Variants in PFKL observed in about 807,000 individuals in gnomAD.
The protein encoded by PFKL is phosphofructokinase, liver type.
In PFKL, 74 loss-of-function variants were observed where a neutral mutation model predicts 92.1. That is an observed-to-expected ratio of 0.80 (90% CI 0.67 to 0.97). The LOEUF (loss-of-function observed/expected upper bound fraction) is 0.97, where lower values mean the gene tolerates loss of function less well. PFKL is among the 50% of genes least tolerant of loss of function. The pLI is 0.00. For missense variants in PFKL, 1,028 were observed against 1,116.6 expected, an observed-to-expected ratio of 0.92 and a Z score of 1.13; for synonymous variants, 494 against 456.4, an observed-to-expected ratio of 1.08 and a Z score of -1.05.
chr21:44,322,159 G>T lies in PFKL; in HGVS notation c.1365G>T (p.Val455=). 1 of 1,606,130 alleles carries T rather than the reference G, an allele frequency of 6.2e-7. No homozygotes were observed. The highest frequency in any genetic ancestry group is 8.5e-7 in the Non-Finnish European group (1 of 1,178,698). ...TGCAAGAAGTAGGCTGGCACGACGT[G>T]GCCGGCTGGTTGGGGCGTGGTGGCT... The part of the protein sequence containing the change: ...GQVQEVGWHD[V]AGWLGRGGSM... Residue 455 remains valine, a synonymous_variant, in exon 14 of 22, where the codon GTG becomes GTT. Transcript: ENST00000349048.
chr21:44,325,921 C>T (rs1250223505), intron 19 of PFKL, 40 bp from the exon 20 acceptor site: 6 of 1,528,764 alleles, frequency 3.9e-6, no homozygotes, highest in Non-Finnish European at 5.4e-6. Context: ...GCCCAGGCAG[C>T]CCAGGGGAGT....
At position 44,314,039 on chromosome 21, in the gene PFKL, T is replaced by A. The variant is rs2047130781; in HGVS notation, c.747+18T>A. Reference sequence around the variant, plus strand: ...TGGGTGAGGTGGGTGCCGTCCAGCCTGCTGGGGGCCGCAGGTGTCCTGGTG... The same window carrying A: ...TGGGTGAGGTGGGTGCCGTCCAGCCAGCTGGGGGCCGCAGGTGTCCTGGTG... On this transcript the variant is annotated intron_variant, in intron 7 of 21. Transcript: ENST00000349048. 1 of 1,556,896 alleles carries A rather than the reference T, an allele frequency of 6.4e-7. No individual in the cohort carries two copies. The highest frequency in any genetic ancestry group is 1.8e-5 in the Admixed American group (1 of 55,120).
intron 2 of PFKL, among the ~76,000 whole-genome samples, chr21:44,308,967 C>G (rs1010128707): frequency 6.6e-6 from 1 of 152,172 alleles, no homozygotes; most frequent in Non-Finnish European, 1.5e-5. Context: ...CCTACGATGA[C>G]CTCAGTGCAT....
At chr21:44,324,690 G>A in intron 17 of PFKL, 35 bp downstream of exon 17, 1 of 1,563,978 alleles carries the variant, frequency 6.4e-7, no homozygotes, top group Non-Finnish European at 8.7e-7. Context: ...CGGCAGACCT[G>A]CCGGCATGCC....
chr21:44,322,162 C>A lies in PFKL; in HGVS notation c.1368C>A (p.Ala456=). 1 of 1,605,952 alleles carries A rather than the reference C, an allele frequency of 6.2e-7. No individual in the cohort carries two copies. Among genetic ancestry groups the A allele is most frequent in the Non-Finnish European group, 8.5e-7 (1 of 1,178,812 alleles). ...AAGAAGTAGGCTGGCACGACGTGGCCGGCTGGTTGGGGCGTGGTGGCTCCA... is the reference window on the plus strand; with the variant it reads ...AAGAAGTAGGCTGGCACGACGTGGCAGGCTGGTTGGGGCGTGGTGGCTCCA... ...QVQEVGWHDV[A]GWLGRGGSML... The change falls in exon 14 of 22, where the codon GCC becomes GCA. Residue 456 remains alanine (A), a synonymous_variant. Transcript: ENST00000349048.
chr21:44,325,974 C>T lies in PFKL; in HGVS notation c.2003C>T (p.Thr668Ile). The T allele has an allele frequency of 6.2e-7, 1 of 1,613,478 alleles. No individual in the cohort carries two copies. Among genetic ancestry groups the T allele is most frequent in the Non-Finnish European group, 8.5e-7 (1 of 1,179,776 alleles). The stretch of plus-strand genomic sequence containing the variant: ...ACCTGTTTCCAGGGTGGCGCTCCAA[C>T]CCCCTTTGACCGGAACTATGGGACC... ...LGHLQQGGAP[T>I]PFDRNYGTKL... The change falls in exon 20 of 22, where the codon ACC becomes ATC. Residue 668 changes from threonine (T) to isoleucine (I), a missense_variant. Physicochemically the swap from Thr to Ile is moderately conservative, Grantham distance 89. Coordinates refer to ENST00000349048, the MANE Select transcript of PFKL (RefSeq NM_002626.6).
intron 21 of PFKL, 122 bp downstream of exon 21, chr21:44,326,386 C>G: frequency 1.3e-6 from 1 of 754,154 alleles, no homozygotes; most frequent in East Asian, 2.7e-5. Flanking sequence ...CTCCTGGGCC[C>G]CCATGCCCAG....
chr21:44,325,863 C>T (rs2047491800), intron 19 of PFKL, 98 bp from the exon 20 acceptor site: 2 of 809,004 alleles, frequency 2.5e-6, no homozygotes, highest in Admixed American at 4.7e-5. Context: ...TCACAAGCTG[C>T]CTGGGAGGCT....
intron 17 of PFKL, 32 bp from the exon 18 acceptor site, chr21:44,324,824 C>G: frequency 6.3e-7 from 1 of 1,599,766 alleles, no homozygotes; most frequent in Non-Finnish European, 8.5e-7. Flanking sequence ...CCCCACAGTC[C>G]TCCGGCTCAT....
chr21:44,304,716 G>T (rs1220917064), intron 1 of PFKL, among the ~76,000 whole-genome samples: 1 of 117,552 alleles, frequency 8.5e-6, no homozygotes, highest in African/African-American at 3.2e-5. Context: ...TCTGTCTCGG[G>T]GGGCTTGGCT....
chr21:44,315,109 C>G (rs889416703), intron 7 of PFKL: 1 of 152,368 alleles, frequency 6.6e-6, no homozygotes, highest in African/African-American at 2.4e-5. Flanking sequence ...TGGAGCCCAA[C>G]AGGCGAGGCT....
intron 7 of PFKL, chr21:44,315,923 A>G (rs775388794): frequency 3.6e-5 from 14 of 392,196 alleles, no homozygotes; most frequent in Non-Finnish European, 6.2e-5. Context: ...GGAAGGCTTC[A>G]CCAGACACAA....
rs2047477092 is a variant in PFKL, at chr21:44,325,383, G to T, written c.1989+119G>T. 2.0e-5 allele frequency: 14 copies of T among 688,316 alleles called. No homozygotes were observed. The South Asian group carries it at 2.1e-4, about 10-fold the overall frequency. 42.6% of individuals were successfully genotyped at this position (688,316 alleles called of 1,614,324 possible). ...ACGGGCACTCCCGGCAGGCCCTCGG[G>T]CACGTGTGCCCTTCCCCAGTGAGGG... On this transcript the variant is annotated intron_variant, in intron 19 of 21. Coordinates refer to ENST00000349048, the MANE Select transcript of PFKL (RefSeq NM_002626.6).
At chr21:44,323,992 G>A in intron 16 of PFKL, 74 bp downstream of exon 16, 1 of 1,558,442 alleles carries the variant, frequency 6.4e-7, no homozygotes, top group Non-Finnish European at 8.8e-7. Context: ...GGAGGCTGCT[G>A]GAGGGGATAG....
intron 14 of PFKL, 97 bp downstream of exon 14, chr21:44,322,300 C>T: frequency 8.5e-7 from 1 of 1,176,882 alleles, no homozygotes; most frequent in Non-Finnish European, 1.2e-6. Flanking sequence ...AGCCCGGGGC[C>T]CTGGGCTCGG....
intron 18 of PFKL, 84 bp downstream of exon 18, chr21:44,325,001 G>C (rs1602057373): frequency 7.5e-7 from 1 of 1,340,826 alleles, no homozygotes; most frequent in Non-Finnish European, 1.0e-6. Flanking sequence ...GGCTGGGCAG[G>C]AGAAGGCAGG....
Position 44,302,318 on chromosome 21 carries a change from G to A in PFKL, c.85+2128G>A, listed in dbSNP as rs2040800096. On this transcript the variant is annotated intron_variant, in intron 1 of 21. Transcript: ENST00000349048. Reference sequence around the variant, plus strand: ...GGAACAGGTGGTTTTCTGCAAGGGAGGAGGACTCCACACACTTCCCCAGTT... The same window carrying A: ...GGAACAGGTGGTTTTCTGCAAGGGAAGAGGACTCCACACACTTCCCCAGTT... Among the ~76,000 whole-genome samples the A allele has an allele frequency of 2.6e-5, 4 of 152,254 alleles. No individual in the cohort carries two copies. In the South Asian group the frequency reaches 8.3e-4, roughly 32 times the overall value.
intron 1 of PFKL, chr21:44,305,354 G>T: frequency 7.3e-7 from 1 of 1,366,014 alleles, no homozygotes; most frequent in African/African-American, 1.5e-5. Context: ...GAGGTCGAGA[G>T]TCCTCTCGTG....
rs904010060 is a variant in PFKL at position 44,323,828 on chromosome 21, CAT to C, written c.1561_1562del (p.Met521ValfsTer32). 3.1e-6 allele frequency: 5 copies of C among 1,613,314 alleles called. No individual in the cohort carries two copies. Among genetic ancestry groups the C allele is most frequent in the South Asian group, 2.2e-5 (2 of 91,082 alleles). ...GGCGCTACGAGGAGCTCTGCATCGT[CAT>C]GTGTGTCATCCCAGCCACCATCAGC... ...RGRYEELCIV[M>X]CVIPATISNN... On this transcript the variant is annotated frameshift_variant, in exon 16 of 22. Transcript: ENST00000349048. LOFTEE classifies it high-confidence loss of function.
Sources: allele counts gnomAD v4.1 joint callset (sites outside exome capture counted in the v4.1 genomes callset), GRCh38; gene constraint gnomAD v4.1.1; transcripts MANE v1.5; gene names NCBI Gene and HGNC (gene_info 2026-07-23, HGNC 2026-07-21).